The following TRIO variants were observed in gnomAD, a reference collection of about 807,000 sequenced individuals.
The protein encoded by TRIO is trio Rho guanine nucleotide exchange factor.
A neutral mutation model predicts 351.9 loss-of-function variants in TRIO; 58 were observed. The observed-to-expected ratio is 0.16, with a 90% CI of 0.13 to 0.21. TRIO has a LOEUF of 0.21. TRIO is among the 10% of genes least tolerant of loss of function. The pLI, the probability that TRIO is intolerant of heterozygous loss-of-function variation, is 1.00. For missense variants in TRIO, 3,201 were observed against 4,027.8 expected (o/e 0.79, Z 5.56); for synonymous variants, 1,758 against 1,595.7 (o/e 1.10, Z -2.42).
At chr5:14,179,053 C>T (rs901308831) in intron 1 of TRIO, among the ~76,000 whole-genome samples, 5 of 152,250 alleles carry the variant, frequency 3.3e-5, no homozygotes, top group Admixed American at 6.5e-5. Flanking sequence ...CCGCAGAAGC[C>T]GGGACTGGAG....
intron 33 of TRIO, among the ~76,000 whole-genome samples, chr5:14,406,935 G>A (rs914375304): frequency 2.0e-5 from 3 of 152,104 alleles, no homozygotes; most frequent in African/African-American, 7.2e-5. Context: ...CTGGACATTC[G>A]AGGGCAGCAT....
At chr5:14,483,566 C>T (rs73063513) in intron 46 of TRIO, among the ~76,000 whole-genome samples, 2,548 of 152,290 alleles carry the variant, frequency 0.017, 59 homozygotes, top group African/African-American at 0.058. Context: ...TCCGACTCTC[C>T]GTTCAGGCTT....
intron 1 of TRIO, among the ~76,000 whole-genome samples, chr5:14,234,975 A>G (rs1391408096): frequency 6.6e-6 from 1 of 152,226 alleles, no homozygotes; most frequent in Non-Finnish European, 1.5e-5. Flanking sequence ...TAAAAAGTAT[A>G]TAACAGGTGT....
intron 1 of TRIO, among the ~76,000 whole-genome samples, chr5:14,260,456 T>C (rs1036076580): frequency 3.3e-5 from 5 of 152,252 alleles, no homozygotes; most frequent in African/African-American, 1.2e-4. Flanking sequence ...GAGAGTACCA[T>C]GCATAAATAT....
intron 19 of TRIO, among the ~76,000 whole-genome samples, chr5:14,377,737 A>G (rs1382072757): frequency 6.6e-6 from 1 of 152,182 alleles, no homozygotes; most frequent in East Asian, 1.9e-4. Flanking sequence ...ATATTACAAA[A>G]TACACATATC....
At chr5:14,504,239 A>G (rs1045635923) in intron 54 of TRIO, among the ~76,000 whole-genome samples, 154 bp from the exon 55 acceptor site, 2 of 152,176 alleles carry the variant, frequency 1.3e-5, no homozygotes, top group Non-Finnish European at 2.9e-5. Flanking sequence ...GGGGACAGCC[A>G]TGGCACCACA....
chr5:14,507,164 A>G lies in TRIO; in HGVS notation c.8655A>G (p.Gly2885=). The G allele has an allele frequency of 6.2e-7, 1 of 1,612,180 alleles. No homozygotes were observed. Among genetic ancestry groups the G allele is most frequent in the Non-Finnish European group, 8.5e-7 (1 of 1,179,586 alleles). The change falls in exon 56 of 57, where the codon GGA becomes GGG. Residue 2885 remains glycine (G), a synonymous_variant. Coordinates refer to ENST00000344204, the MANE Select transcript of TRIO (RefSeq NM_007118.4). The stretch of plus-strand genomic sequence containing the variant: ...TCCTGGACTGCGTGGTGCGATGGGG[A>G]AGCCTCACTGAAGGGAAGATCAGGG... The part of the protein sequence containing the change: ...GRLLDCVVRW[G]SLTEGKIRAH...
At chr5:14,284,598 T>A (rs1198269744) in intron 3 of TRIO, among the ~76,000 whole-genome samples, 1 of 152,176 alleles carries the variant, frequency 6.6e-6, no homozygotes, top group Non-Finnish European at 1.5e-5. Flanking sequence ...TCCCGCTTAT[T>A]CCTGTTGTTA....
At chr5:14,244,281 C>T (rs903365264) in intron 1 of TRIO, among the ~76,000 whole-genome samples, 1 of 152,118 alleles carries the variant, frequency 6.6e-6, no homozygotes, top group African/African-American at 2.4e-5. Context: ...TTGTAATTTC[C>T]TGTTTAATTT....
At chr5:14,214,285 C>T (rs1792093805) in intron 1 of TRIO, among the ~76,000 whole-genome samples, 1 of 152,124 alleles carries the variant, frequency 6.6e-6, no homozygotes, top group African/African-American at 2.4e-5. Flanking sequence ...GAGACAGAGC[C>T]CTTCAGGCCC....
chr5:14,482,994 C>G (rs561307759), intron 46 of TRIO, among the ~76,000 whole-genome samples: 7 of 152,348 alleles, frequency 4.6e-5, no homozygotes, highest in African/African-American at 1.7e-4. Flanking sequence ...CACAGCCATT[C>G]ATTCTTACCA....
intron 11 of TRIO, among the ~76,000 whole-genome samples, chr5:14,347,086 C>T (rs13156963): frequency 3.1e-3 from 427 of 136,548 alleles, no homozygotes; most frequent in African/African-American, 0.012. Flanking sequence ...TCATCTCAGG[C>T]GGACCTGAGG....
Position 14,455,734 on chromosome 5 carries a change from G to A in TRIO, c.5204-5285G>A, listed in dbSNP as rs890912132. Among the ~76,000 whole-genome samples, 3 of 152,274 alleles carry A rather than the reference G, an allele frequency of 2.0e-5. No individual in the cohort carries two copies. In the South Asian group the frequency reaches 6.2e-4, roughly 31 times the overall value. On this transcript the variant is annotated intron_variant, in intron 34 of 56. Coordinates refer to ENST00000344204, the MANE Select transcript of TRIO (RefSeq NM_007118.4). ...TGATTGGTGCATCCATGAACCCTGA[G>A]CTAGACACAGAGTGCTGATTGGTAC... is the stretch of plus-strand genomic sequence containing the variant.
intron 1 of TRIO, among the ~76,000 whole-genome samples, chr5:14,254,233 GA>G (rs1219668315): frequency 6.6e-6 from 1 of 151,302 alleles, no homozygotes; most frequent in Non-Finnish European, 1.5e-5. Flanking sequence ...ACCCAGGCTG[GA>G]GTGCGATGGC....
chr5:14,377,767 G>C (rs147397736), intron 19 of TRIO, among the ~76,000 whole-genome samples: 2 of 152,244 alleles, frequency 1.3e-5, no homozygotes, highest in East Asian at 3.9e-4. Flanking sequence ...CATCCAGCCG[G>C]AGGTATTACA....
intron 1 of TRIO, among the ~76,000 whole-genome samples, chr5:14,170,663 T>C (rs1387890690): frequency 5.3e-5 from 8 of 152,068 alleles, no homozygotes; most frequent in African/African-American, 1.9e-4. Flanking sequence ...TGCTCCACCA[T>C]GCCTGGCTAA....
chr5:14,462,605 G>A, intron 35 of TRIO, 150 bp from the exon 36 acceptor site: 3 of 1,099,964 alleles, frequency 2.7e-6, no homozygotes, highest in Non-Finnish European at 4.0e-6. Context: ...AGCAGGAAGA[G>A]AGGAAAAGTT....
At chr5:14,306,107 C>T (rs369097561) in intron 8 of TRIO, among the ~76,000 whole-genome samples, 3 of 149,602 alleles carry the variant, frequency 2.0e-5, no homozygotes, top group African/African-American at 4.9e-5. Flanking sequence ...CCTGATACCA[C>T]GTGATGTCTA....
intron 30 of TRIO, among the ~76,000 whole-genome samples, chr5:14,400,604 T>C (rs907113118): frequency 1.3e-5 from 2 of 152,208 alleles, no homozygotes; most frequent in African/African-American, 2.4e-5. Context: ...GGCAGCCCTT[T>C]TGCAACCAGG....
Sources: gnomAD v4.1 joint callset for allele counts (sites outside exome capture counted in the v4.1 genomes callset) on GRCh38, gnomAD v4.1.1 for gene constraint, MANE v1.5 for transcripts, NCBI Gene and HGNC (gene_info 2026-07-23, HGNC 2026-07-21) for gene names.